Variants in NUDC observed in about 807,000 individuals in gnomAD.
NUDC encodes nuclear distribution C, dynein complex regulator, also known as nuclear migration protein nudC.
A neutral mutation model predicts 45.0 loss-of-function variants in NUDC; 14 were observed. The observed-to-expected ratio is 0.31, with a 90% CI of 0.21 to 0.49. NUDC has a LOEUF of 0.49. NUDC is among the 20% of genes least tolerant of loss of function. NUDC has a pLI of 0.99. For missense variants in NUDC, 323 were observed against 426.2 expected (o/e 0.76, Z 2.13); for synonymous variants, 153 against 156.7 (o/e 0.98, Z 0.17).
chr1:26,942,710 G>A lies in NUDC; in HGVS notation c.480G>A (p.Lys160=). Residue 160 remains lysine, a synonymous_variant, in exon 5 of 9, where the codon AAG becomes AAA. Transcript: ENST00000321265. ...EEDEKDKGKL[K]PNLGNGADLP... ...ATGAGAAGGACAAAGGAAAACTGAA[G>A]CCCAACCTAGGCAACGGGGCAGACC... 3 of 1,614,242 alleles carry A rather than the reference G, an allele frequency of 1.9e-6. No individual in the cohort carries two copies. Among genetic ancestry groups the A allele is most frequent in the African/African-American group, 1.3e-5 (1 of 75,070 alleles).
At chr1:26,918,122 C>A (rs1015216579), upstream of NUDC, among the ~76,000 whole-genome samples, 1 of 151,512 alleles carries the variant, frequency 6.6e-6, no homozygotes, top group Non-Finnish European at 1.5e-5. Flanking sequence ...TGTATTTATA[C>A]TTCCTGTCTT....
chr1:26,911,501 T>A (rs919674908), intron 3 of NUDC: 2 of 353,600 alleles, frequency 5.7e-6, no homozygotes, highest in Non-Finnish European at 1.1e-5. Flanking sequence ...GTTTCATACC[T>A]TTTATTACAA....
At chr1:26,929,281 A>G (rs2082159116) in intron 2 of NUDC, among the ~76,000 whole-genome samples, 1 of 152,148 alleles carries the variant, frequency 6.6e-6, no homozygotes, top group East Asian at 1.9e-4. Context: ...TAATAAAAAA[A>G]TATGAATTAA....
chr1:26,926,593 T>C (rs964045137), intron 2 of NUDC, among the ~76,000 whole-genome samples: 1 of 152,166 alleles, frequency 6.6e-6, no homozygotes, highest in African/African-American at 2.4e-5. Context: ...ACTAGTCATT[T>C]ATTTTTTCTT....
rs559055061 is a variant in NUDC, at chr1:26,927,647, C to T, written c.159+3481C>T. 6.6e-5 allele frequency among the ~76,000 whole-genome samples: 10 copies of T among 151,970 alleles called. No homozygotes were observed. In the East Asian group the frequency reaches 1.2e-3, roughly 18 times the overall value. ...TCCTGAGCTCGTGATCTGCCCGCTT[C>T]GGCCCCTCAAAGTGCTGGGATTACA... On this transcript the variant is annotated intron_variant, in intron 2 of 8. Transcript: ENST00000321265.
chr1:26,930,038 A>T (rs1284016547), intron 2 of NUDC, among the ~76,000 whole-genome samples: 1 of 152,182 alleles, frequency 6.6e-6, no homozygotes, highest in Non-Finnish European at 1.5e-5. Context: ...AACAAAAACA[A>T]CAACAACAGC....
intron 3 of NUDC, 42 bp from the exon 4 acceptor site, chr1:26,941,711 G>C (rs371184584): frequency 2.5e-6 from 4 of 1,613,184 alleles, no homozygotes; most frequent in Non-Finnish European, 3.4e-6. Context: ...CTGGCACTGA[G>C]CAGTGGGGTC....
At chr1:26,941,882 C>T (rs1054619107) in intron 4 of NUDC, 64 bp downstream of exon 4, 91 of 1,479,846 alleles carry the variant, frequency 6.1e-5, no homozygotes, top group Non-Finnish European at 7.8e-5. Flanking sequence ...AATCTCCTGC[C>T]TACTGCTTTC....
upstream of NUDC, among the ~76,000 whole-genome samples, chr1:26,920,195 A>G (rs896374587): frequency 4.6e-5 from 7 of 152,230 alleles, no homozygotes; most frequent in African/African-American, 1.7e-4. Context: ...CCTTTAAAAA[A>G]TAGACTAGAA....
intron 1 of NUDC, chr1:26,922,381 A>G (rs2082099159): frequency 1.9e-5 from 4 of 214,238 alleles, no homozygotes; most frequent in Non-Finnish European, 3.8e-5. Context: ...GCCTGTGTTC[A>G]CGATTAGTTT....
At chr1:26,938,721 C>T (rs2082254148) in intron 2 of NUDC, among the ~76,000 whole-genome samples, 1 of 152,162 alleles carries the variant, frequency 6.6e-6, no homozygotes, top group African/African-American at 2.4e-5. Context: ...CCTTGAGCCC[C>T]TGCAGAGCTT....
chr1:26,913,536 C>T lies in NUDC; in HGVS notation c.93+2301C>T, dbSNP rs2082041217. On this transcript the variant is annotated intron_variant, in intron 3 of 6. Transcript: ENST00000435827. ...CCAGGGAGGGCTGGGGTCTGTCTGG[C>T]AGTTGGCCACTGCCTCCACTGCTGC... is the stretch of plus-strand genomic sequence containing the variant. 9.3e-6 allele frequency: 15 copies of T among 1,613,872 alleles called. No individual in the cohort carries two copies. Among genetic ancestry groups the T allele is most frequent in the Non-Finnish European group, 1.3e-5 (15 of 1,179,800 alleles).
chr1:26,919,657 C>T (rs147114408), upstream of NUDC, among the ~76,000 whole-genome samples: 5 of 152,256 alleles, frequency 3.3e-5, no homozygotes, highest in East Asian at 7.7e-4. Context: ...TAACTATACA[C>T]AAAAGTGACT....
rs146130853 is a variant in NUDC at position 26,944,301 on chromosome 1, C to T, written c.742-1089C>T. Among the ~76,000 whole-genome samples, 425 of 152,216 alleles carry T rather than the reference C, an allele frequency of 2.8e-3. 4 individuals are homozygous for T. The highest frequency in any genetic ancestry group is 9.4e-3 in the African/African-American group (391 of 41,556). On this transcript the variant is annotated intron_variant, in intron 6 of 8. Transcript: ENST00000321265. ...ACGGCTTACTGCAGCCTTGACCTCC[C>T]GGGCTCAAACGACCCTCCCACCTCA...
chr1:26,908,910 A>G (rs1033784195), intron 2 of NUDC, among the ~76,000 whole-genome samples: 36 of 151,676 alleles, frequency 2.4e-4, no homozygotes, highest in Admixed American at 2.0e-4. Context: ...TTGTTTTAGT[A>G]GAGACGGTGT....
chr1:26,941,926 C>G, intron 4 of NUDC, 108 bp downstream of exon 4: 1 of 1,045,810 alleles, frequency 9.6e-7, no homozygotes, highest in Non-Finnish European at 1.5e-6. Flanking sequence ...ATCCCCTCCC[C>G]TCCTGGCTTT....
intron 2 of NUDC, among the ~76,000 whole-genome samples, chr1:26,932,558 A>G (rs2082192428): frequency 6.6e-6 from 1 of 152,054 alleles, no homozygotes; most frequent in South Asian, 2.1e-4. Flanking sequence ...CCAGGGCTCA[A>G]GTGATCTGCC....
chr1:26,900,488 C>T (rs765801238), intron 1 of NUDC: 1 of 1,497,738 alleles, frequency 6.7e-7, no homozygotes, highest in Non-Finnish European at 9.2e-7. Flanking sequence ...CGCGAGAACA[C>T]CGCGAGCAAC....
Position 26,945,399 on chromosome 1 carries a change from A to G in NUDC, c.751A>G (p.Met251Val), listed in dbSNP as rs748183828. The G allele has an allele frequency of 1.9e-6, 3 of 1,614,098 alleles. No individual in the cohort carries two copies. The highest frequency in any genetic ancestry group is 1.1e-5 in the South Asian group (1 of 91,082). ...VTVHLEKINK[M>V]EWWSRLVSSD... is the part of the protein sequence containing the mutation. ...GTTGTTCTCTTCACAGATCAATAAGATGGAGTGGTGGAGCCGCTTGGTGTC... is the reference window on the plus strand; with the variant it reads ...GTTGTTCTCTTCACAGATCAATAAGGTGGAGTGGTGGAGCCGCTTGGTGTC... Residue 251 changes from methionine to valine, a missense_variant, in exon 7 of 9, where the codon ATG becomes GTG. Met to Val is a conservative substitution (Grantham distance 21). This residue lies in a region of NUDC where 245 missense variants were observed against 278.8 expected (regional missense o/e 0.88). Transcript: ENST00000321265.
Sources: allele counts gnomAD v4.1 joint callset (sites outside exome capture counted in the v4.1 genomes callset), GRCh38; gene constraint gnomAD v4.1.1; regional missense constraint gnomAD v4.1.1; transcripts MANE v1.5; gene names NCBI Gene and HGNC (gene_info 2026-07-23, HGNC 2026-07-21).